The following NLGN1 variants were observed in gnomAD, a reference collection of about 807,000 sequenced individuals.
NLGN1 encodes neuroligin-1.
NLGN1 carries 12 observed loss-of-function variants against 65.5 expected under a neutral mutation model. That is an observed-to-expected ratio of 0.18 (90% confidence interval 0.12 to 0.30). The LOEUF is 0.30. Among genes scored for constraint, NLGN1 ranks in the 10% least tolerant of loss-of-function variants. NLGN1 has a pLI of 1.00. For missense variants in NLGN1, 750 were observed against 1,007.1 expected, an observed-to-expected ratio of 0.74 and a Z score of 3.46; for synonymous variants, 350 against 359.5, an observed-to-expected ratio of 0.97 and a Z score of 0.30.
chr3:174,115,783 A>G (rs1465482207), intron 4 of NLGN1, among the ~76,000 whole-genome samples: 1 of 152,156 alleles, frequency 6.6e-6, no homozygotes, highest in Non-Finnish European at 1.5e-5. Context: ...CTCTATCACT[A>G]ATTTTCTGGG....
At chr3:173,794,660 T>C (rs1046795485) in intron 3 of NLGN1, among the ~76,000 whole-genome samples, 1 of 152,188 alleles carries the variant, frequency 6.6e-6, no homozygotes, top group Non-Finnish European at 1.5e-5. Context: ...GTAGAAATAC[T>C]GTATCTGCAT....
intron 4 of NLGN1, among the ~76,000 whole-genome samples, chr3:174,212,765 A>T (rs545564234): frequency 6.6e-6 from 1 of 152,374 alleles, no homozygotes; most frequent in East Asian, 1.9e-4. Flanking sequence ...CACTGGTTCC[A>T]TTAGATTAAA....
chr3:174,017,841 A>G (rs187434532), intron 4 of NLGN1, among the ~76,000 whole-genome samples: 2 of 152,286 alleles, frequency 1.3e-5, no homozygotes, highest in African/African-American at 4.8e-5. Flanking sequence ...GGGCGAAATT[A>G]AAATTGCTAA....
At chr3:173,605,637 A>G (rs1478086344) in intron 3 of NLGN1, 44 bp downstream of exon 3, 1 of 985,998 alleles carries the variant, frequency 1.0e-6, no homozygotes, top group Non-Finnish European at 1.4e-6. Flanking sequence ...AAAAGCTTGC[A>G]GAGGAAGAAC....
chr3:173,635,581 A>G lies in NLGN1; in HGVS notation c.493+30490A>G, dbSNP rs558504846. Reference sequence around the variant, plus strand: ...ACGTAAAATTTTTCTAAAGAAAATGATTTCAGGAAACACGTTTTTGGAAAT... The same window carrying G: ...ACGTAAAATTTTTCTAAAGAAAATGGTTTCAGGAAACACGTTTTTGGAAAT... On this transcript the variant is annotated intron_variant, in intron 3 of 6. Coordinates refer to ENST00000457714, the Ensembl canonical transcript of NLGN1. Among the ~76,000 whole-genome samples the G allele has an allele frequency of 2.6e-5, 4 of 152,308 alleles. No homozygotes were observed. The East Asian group carries it at 7.7e-4, about 29-fold the overall frequency.
intron 5 of NLGN1, among the ~76,000 whole-genome samples, chr3:174,278,541 C>T (rs1005752126): frequency 2.0e-5 from 3 of 151,804 alleles, no homozygotes; most frequent in South Asian, 2.1e-4. Flanking sequence ...TGATAATATA[C>T]GTATTTACAC....
chr3:173,588,205 T>C (rs1473936736), intron 2 of NLGN1, among the ~76,000 whole-genome samples: 1 of 152,220 alleles, frequency 6.6e-6, no homozygotes, highest in African/African-American at 2.4e-5. Context: ...TTTTATTGCT[T>C]TTTAAGAGAT....
At chr3:173,945,560 C>T (rs909963644) in intron 4 of NLGN1, among the ~76,000 whole-genome samples, 1 of 152,056 alleles carries the variant, frequency 6.6e-6, no homozygotes. Flanking sequence ...GCTGGAATGC[C>T]ATTTTCCCCT....
chr3:174,278,796 A>ATGTT lies in NLGN1; in HGVS notation c.860-64_860-61dup, dbSNP rs1751056313. On this transcript the variant is annotated intron_variant, in intron 5 of 6. Coordinates refer to ENST00000457714, the Ensembl canonical transcript of NLGN1. ...TTTATATACATGTCTAAAATATCAG[A>ATGTT]TGTTATTGTTTTACCACAACATTAC... 3.2e-6 allele frequency: 4 copies of ATGTT among 1,234,046 alleles called. No individual in the cohort carries two copies. The African/African-American group carries it at 6.1e-5, about 19-fold the overall frequency. 76.4% of individuals were successfully genotyped at this position (1,234,046 alleles called of 1,614,324 possible).
At chr3:173,747,349 AATATATATACTTAAAGAT>A (rs1301091676) in intron 3 of NLGN1, among the ~76,000 whole-genome samples, 1 of 99,394 alleles carries the variant, frequency 1.0e-5, no homozygotes, top group Non-Finnish European at 2.0e-5. Flanking sequence ...TATGTATTTT[AATATATATACTTAAAGAT>A]ATATATATAC....
At chr3:173,981,076 C>T (rs1160821198) in intron 4 of NLGN1, among the ~76,000 whole-genome samples, 1 of 152,164 alleles carries the variant, frequency 6.6e-6, no homozygotes, top group East Asian at 1.9e-4. Context: ...AGGCTGTGGG[C>T]ACTGGAGTCA....
At chr3:174,186,022 A>C (rs1305751853) in intron 4 of NLGN1, among the ~76,000 whole-genome samples, 1 of 151,990 alleles carries the variant, frequency 6.6e-6, no homozygotes, top group Non-Finnish European at 1.5e-5. Flanking sequence ...GTACCCAATA[A>C]ATTTTACAGG....
At chr3:173,405,625 A>T (rs1718488890) in intron 1 of NLGN1, among the ~76,000 whole-genome samples, 1 of 152,122 alleles carries the variant, frequency 6.6e-6, no homozygotes, top group Non-Finnish European at 1.5e-5. Context: ...GTATGATTAA[A>T]ATATAATCCT....
intron 4 of NLGN1, among the ~76,000 whole-genome samples, chr3:174,053,695 T>C (rs879567588): frequency 3.9e-5 from 6 of 151,996 alleles, no homozygotes; most frequent in African/African-American, 1.2e-4. Flanking sequence ...ACTCGAGCCA[T>C]CTTGTGTCTA....
At chr3:174,161,282 T>C (rs1053360415) in intron 4 of NLGN1, among the ~76,000 whole-genome samples, 1 of 151,860 alleles carries the variant, frequency 6.6e-6, no homozygotes, top group Non-Finnish European at 1.5e-5. Flanking sequence ...TGTTACTCAC[T>C]GAATTTCACA....
intron 4 of NLGN1, among the ~76,000 whole-genome samples, chr3:173,819,937 C>G (rs930081875): frequency 2.0e-5 from 3 of 152,038 alleles, no homozygotes; most frequent in African/African-American, 7.2e-5. Flanking sequence ...ATTGTATTAA[C>G]CATGTGCTTG....
intron 2 of NLGN1, among the ~76,000 whole-genome samples, chr3:173,444,883 T>A (rs1364636439): frequency 2.0e-5 from 3 of 152,128 alleles, no homozygotes; most frequent in Non-Finnish European, 4.4e-5. Context: ...TTACATTTTG[T>A]AGCCCTTTAA....
intron 3 of NLGN1, among the ~76,000 whole-genome samples, chr3:173,760,824 A>G (rs936746561): frequency 6.6e-6 from 1 of 152,054 alleles, no homozygotes; most frequent in Non-Finnish European, 1.5e-5. Context: ...CTGTAGTACA[A>G]TAAAAGCAAC....
At chr3:173,640,783 C>G (rs1043931841) in intron 3 of NLGN1, among the ~76,000 whole-genome samples, 15 of 152,048 alleles carry the variant, frequency 9.9e-5, no homozygotes, top group African/African-American at 3.6e-4. Flanking sequence ...CAAGTCCAAA[C>G]GTTGCTTACA....
Sources: gnomAD v4.1 joint callset for allele counts (sites outside exome capture counted in the v4.1 genomes callset) on GRCh38, gnomAD v4.1.1 for gene constraint, MANE v1.5 for transcripts, NCBI Gene and HGNC (gene_info 2026-07-23, HGNC 2026-07-21) for gene names.